The following CDH23 variants were observed in gnomAD, a reference collection of about 807,000 sequenced individuals.
The protein encoded by CDH23 is cadherin related 23.
Under a neutral mutation model 317.1 loss-of-function variants are expected in CDH23, and 189 were observed. The ratio of observed to expected loss-of-function variants is 0.60; its 90% CI spans 0.53 to 0.67. CDH23 has a LOEUF of 0.67. Ranked by LOEUF, CDH23 falls within the 30% of genes least tolerant of loss-of-function variation. CDH23 has a pLI of 0.00. For synonymous variants in CDH23, 1,839 were observed against 1,876.8 expected (o/e 0.98, Z 0.52); for missense variants, 4,401 against 4,592.4 (o/e 0.96, Z 1.20).
chr10:71,787,204 C>T (rs1344608804), intron 44 of CDH23, among the ~76,000 whole-genome samples: 1 of 152,138 alleles, frequency 6.6e-6, no homozygotes, highest in Admixed American at 6.6e-5. Context: ...GGAGTTAAAT[C>T]CCTATTTGCC....
At chr10:71,461,831 C>A (rs952191953) in intron 3 of CDH23, among the ~76,000 whole-genome samples, 3 of 152,210 alleles carry the variant, frequency 2.0e-5, no homozygotes, top group African/African-American at 7.2e-5. Flanking sequence ...TAGTCCAACC[C>A]CTGGGGTGTG....
intron 3 of CDH23, among the ~76,000 whole-genome samples, chr10:71,458,977 CG>C (rs1415851025): frequency 2.0e-5 from 3 of 149,490 alleles, no homozygotes; most frequent in African/African-American, 7.3e-5. Flanking sequence ...TTAGTAGAGG[CG>C]GGGTTTCACC....
chr10:71,566,683 T>A, intron 6 of CDH23, 59 bp from the exon 7 acceptor site: 1 of 1,473,454 alleles, frequency 6.8e-7, no homozygotes, highest in East Asian at 2.4e-5. Context: ...GACTCAGCCC[T>A]GATGGCGCAG....
At chr10:71,759,337 C>A (rs775846643) in intron 38 of CDH23, among the ~76,000 whole-genome samples, 1 of 152,042 alleles carries the variant, frequency 6.6e-6, no homozygotes, top group Non-Finnish European at 1.5e-5. Context: ...CGCACCTAAC[C>A]CCAAAAATAA....
Position 71,807,329 on chromosome 10 carries a change from G to A in CDH23, c.8231G>A (p.Gly2744Asp), listed in dbSNP as rs1841759946. The change falls in exon 58 of 70, where the codon GGC becomes GAC. Residue 2744 changes from glycine (G) to aspartate (D), a missense_variant. Gly to Asp is a moderately conservative substitution (Grantham distance 94). Transcript: ENST00000224721. ...ACAGTGCCTGAGCACTCACCACGCG[G>A]CACCCTCGTGGGCAACGTGACAGGC... ...LLTVPEHSPR[G>D]TLVGNVTGAV... is the part of the protein sequence containing the mutation. The A allele has an allele frequency of 1.9e-6, 3 of 1,613,722 alleles. No homozygotes were observed. The highest frequency in any genetic ancestry group is 2.5e-6 in the Non-Finnish European group (3 of 1,179,814).
chr10:71,556,490 A>C (rs1179040602), intron 6 of CDH23, among the ~76,000 whole-genome samples: 1 of 151,980 alleles, frequency 6.6e-6, no homozygotes, highest in Non-Finnish European at 1.5e-5. Context: ...AATCCCAGCT[A>C]CTGGGGAGGC....
At chr10:71,460,626 C>G (rs753440230) in intron 3 of CDH23, among the ~76,000 whole-genome samples, 5 of 152,224 alleles carry the variant, frequency 3.3e-5, no homozygotes, top group Non-Finnish European at 7.3e-5. Flanking sequence ...CGTTTGTCTC[C>G]CACACTCTGG....
chr10:71,473,302 A>T (rs1851614451), intron 3 of CDH23, among the ~76,000 whole-genome samples: 1 of 152,236 alleles, frequency 6.6e-6, no homozygotes, highest in South Asian at 2.1e-4. Flanking sequence ...CCACAGCATC[A>T]AGTGGATGGA....
At chr10:71,486,504 A>G (rs375956361) in intron 3 of CDH23, among the ~76,000 whole-genome samples, 1 of 152,142 alleles carries the variant, frequency 6.6e-6, no homozygotes, top group African/African-American at 2.4e-5. Flanking sequence ...GAGGGGACAC[A>G]TGACAGGGGC....
At chr10:71,519,008 G>A (rs1010797075) in intron 6 of CDH23, among the ~76,000 whole-genome samples, 2 of 152,252 alleles carry the variant, frequency 1.3e-5, no homozygotes, top group Non-Finnish European at 2.9e-5. Flanking sequence ...GGGAGCAGGA[G>A]ATGGAGGGAG....
chr10:71,793,427 A>G lies in CDH23; in HGVS notation c.6499A>G (p.Ile2167Val), dbSNP rs1267165396. The G allele has an allele frequency of 3.1e-6, 5 of 1,614,032 alleles. No homozygotes were observed. In the South Asian group the frequency reaches 5.5e-5, roughly 18 times the overall value. Residue 2167 changes from isoleucine to valine, a missense_variant, in exon 48 of 70, where the codon ATC becomes GTC. Ile to Val is a conservative substitution (Grantham distance 29). Around this residue, in one of 3 missense-constraint regions of CDH23, gnomAD observed 3,068 missense variants for 3,203.3 expected, o/e 0.96. Transcript: ENST00000224721. ...CATTGTCACCATTCTGATCGATGAC[A>G]TCAATGACTCCCGCCCCGAGTTCCT... ...TAIVTILIDD[I>V]NDSRPEFLNP...
At position 71,751,736 on chromosome 10, in the gene CDH23, T is replaced by C. The variant is rs1452895301; in HGVS notation, c.4845+9815T>C. ...GGGGGTGCTGGGCTCCGAAAGCAGA[T>C]GCCGCCCAGACTCAGAAGGCTGCCG... On this transcript the variant is annotated intron_variant, in intron 38 of 69. Coordinates refer to ENST00000224721, the MANE Select transcript of CDH23 (RefSeq NM_022124.6). The surrounding 1 kb of genome is among the most constrained non-coding windows in gnomAD (Gnocchi z 4.9). 2 of 1,594,244 alleles carry C rather than the reference T, an allele frequency of 1.3e-6. No homozygotes were observed. The highest frequency in any genetic ancestry group is 1.1e-5 in the South Asian group (1 of 88,962).
At chr10:71,674,934 C>G (rs1472218651) in intron 14 of CDH23, among the ~76,000 whole-genome samples, 178 bp from the exon 15 acceptor site, 1 of 152,210 alleles carries the variant, frequency 6.6e-6, no homozygotes, top group Non-Finnish European at 1.5e-5. Flanking sequence ...TCCCACTCTG[C>G]TTCTGACCCG....
rs138431613 is a variant in CDH23 at position 71,456,123 on chromosome 10, G to A, written c.145+9728G>A. ...AGCTGCTGGGATCTGGAGCTAGAGCGCTTAAGGAGGGGAAGGGAGGGTAGC... is the reference window on the plus strand; with the variant it reads ...AGCTGCTGGGATCTGGAGCTAGAGCACTTAAGGAGGGGAAGGGAGGGTAGC... On this transcript the variant is annotated intron_variant, in intron 3 of 69. Transcript: ENST00000224721. 1.5e-4 allele frequency among the ~76,000 whole-genome samples: 22 copies of A among 151,552 alleles called. 1 individual carries two copies. Among genetic ancestry groups the A allele is most frequent in the Admixed American group, 7.9e-4 (12 of 15,190 alleles).
intron 6 of CDH23, among the ~76,000 whole-genome samples, chr10:71,545,755 G>A (rs1402406440): frequency 6.6e-6 from 1 of 152,164 alleles, no homozygotes; most frequent in Non-Finnish European, 1.5e-5. Flanking sequence ...AATAAAGCAG[G>A]CAAGTGGCTA....
chr10:71,675,023 G>A, intron 14 of CDH23, 89 bp from the exon 15 acceptor site: 1 of 1,205,208 alleles, frequency 8.3e-7, no homozygotes, highest in Non-Finnish European at 1.2e-6. Context: ...CTGGGCCAAA[G>A]GAGACGTGCG....
chr10:71,513,419 G>T (rs545356525), intron 6 of CDH23, among the ~76,000 whole-genome samples: 2 of 152,278 alleles, frequency 1.3e-5, no homozygotes, highest in East Asian at 3.9e-4. Context: ...AAGCTTTCCT[G>T]CTTGCATTGA....
At chr10:71,644,806 A>G (rs368933627) in intron 12 of CDH23, among the ~76,000 whole-genome samples, 3 of 152,340 alleles carry the variant, frequency 2.0e-5, no homozygotes, top group African/African-American at 7.2e-5. Flanking sequence ...ACTGAAAGCC[A>G]AGGTCAGTGA....
intron 16 of CDH23, 115 bp from the exon 17 acceptor site, chr10:71,679,271 AC>A: frequency 1.3e-6 from 1 of 760,336 alleles, no homozygotes; most frequent in Non-Finnish European, 2.3e-6. Context: ...GGGCTGGATC[AC>A]CCAAAAAAGG....
Sources: gnomAD v4.1 joint callset for allele counts (sites outside exome capture counted in the v4.1 genomes callset) on GRCh38, gnomAD v4.1.1 for gene constraint, gnomAD v4.1.1 regional missense constraint, Gnocchi (gnomAD v3.1) non-coding constraint, MANE v1.5 for transcripts, NCBI Gene and HGNC (gene_info 2026-07-23, HGNC 2026-07-21) for gene names.